Variants in RTN4 observed in about 807,000 individuals in gnomAD.
RTN4 encodes reticulon-4.
Under a neutral mutation model 90.4 loss-of-function variants are expected in RTN4, and 32 were observed. That is an observed-to-expected ratio of 0.35 (90% CI 0.27 to 0.48). The LOEUF (loss-of-function observed/expected upper bound fraction) is 0.48, where lower values mean the gene tolerates loss of function less well. Ranked by LOEUF, RTN4 falls within the 20% of genes least tolerant of loss-of-function variation. The pLI, the probability that RTN4 is intolerant of heterozygous loss-of-function variation, is 0.99. For missense variants in RTN4, 1,706 were observed against 1,430.2 expected (o/e 1.19, Z -3.11); for synonymous variants, 629 against 552.5 (o/e 1.14, Z -1.94).
intron 1 of RTN4, chr2:55,046,809 C>T (rs1667770032): frequency 6.6e-6 from 1 of 152,144 alleles, no homozygotes; most frequent in African/African-American, 2.4e-5. Flanking sequence ...AATGTTCTTA[C>T]ACTTACTAAA....
chr2:55,027,250 T>A lies in RTN4; in HGVS notation c.849A>T (p.Leu283=). 1 of 1,613,708 alleles carries A rather than the reference T, an allele frequency of 6.2e-7. No homozygotes were observed. Among genetic ancestry groups the A allele is most frequent in the Non-Finnish European group, 8.5e-7 (1 of 1,179,798 alleles). Residue 283 remains leucine, a synonymous_variant, in exon 3 of 9, where the codon CTA becomes CTT. Transcript: ENST00000337526. ...ACTCTGTTAAATCTCTATCTATGAG[T>A]AGAGTTTTTGCCTTCTCTGAGACCT... is the stretch of plus-strand genomic sequence containing the variant. ...SKEVSEKAKT[L]LIDRDLTEFS...
chr2:55,094,821 G>C (rs1057157782), intron 1 of RTN4, among the ~76,000 whole-genome samples: 5 of 152,292 alleles, frequency 3.3e-5, no homozygotes, highest in African/African-American at 1.2e-4. Context: ...GTCAAGCAAA[G>C]AATGAAGTGG....
chr2:55,055,946 G>T (rs2920839), intron 2 of RTN4, among the ~76,000 whole-genome samples: 138,386 of 151,502 alleles, frequency 0.91, 63,321 homozygotes, highest in Middle Eastern at 0.98. Flanking sequence ...CATATATGTA[G>T]ATGATATAGA....
the RTN4 span, among the ~76,000 whole-genome samples, chr2:55,120,252 A>G: frequency 6.6e-6 from 1 of 152,172 alleles, no homozygotes; most frequent in Non-Finnish European, 1.5e-5. Flanking sequence ...AAGGAAAGCA[A>G]TGCTTCCTGC....
intron 1 of RTN4, among the ~76,000 whole-genome samples, chr2:55,102,490 T>C (rs1667869235): frequency 1.3e-5 from 2 of 152,160 alleles, no homozygotes; most frequent in African/African-American, 4.8e-5. Flanking sequence ...ACGCTAAAAA[T>C]TTTAATGTTA....
chr2:55,031,151 T>G (rs1001312713), intron 1 of RTN4, among the ~76,000 whole-genome samples: 1 of 152,106 alleles, frequency 6.6e-6, no homozygotes, highest in Non-Finnish European at 1.5e-5. Context: ...GCTATGAGAG[T>G]AATTACAACA....
chr2:55,060,384 T>C (rs1357754119), intron 2 of RTN4, among the ~76,000 whole-genome samples: 1 of 152,252 alleles, frequency 6.6e-6, no homozygotes, highest in African/African-American at 2.4e-5. Context: ...ATAGTTGTCA[T>C]ATTTCAGTTA....
intron 1 of RTN4, among the ~76,000 whole-genome samples, chr2:55,092,619 C>T (rs1668960388): frequency 6.6e-6 from 1 of 152,210 alleles, no homozygotes; most frequent in Admixed American, 6.5e-5. Flanking sequence ...AATGAGTATA[C>T]CTGAGTTTCA....
At position 55,050,072 on chromosome 2, in the gene RTN4, G is replaced by A; in HGVS notation, c.229C>T (p.Pro77Ser). 6.9e-7 allele frequency: 1 copy of A among 1,448,878 alleles called. No homozygotes were observed. Among genetic ancestry groups the A allele is most frequent in the Non-Finnish European group, 9.0e-7 (1 of 1,106,086 alleles). The allele number at this position is 1,448,878 out of a possible 1,614,324, so 89.8% of individuals were successfully genotyped here. Residue 77 changes from proline (P) to serine (S), a missense_variant, in exon 1 of 9, where the codon CCC becomes TCC. Physicochemically the swap from Pro to Ser is moderately conservative, Grantham distance 74 (BLOSUM62 -1). Coordinates refer to ENST00000337526, the MANE Select transcript of RTN4 (RefSeq NM_020532.5). The surrounding 1 kb of genome is among the most constrained non-coding windows in gnomAD (Gnocchi z 4.6). ...PVPTAPAAGA[P>S]LMDFGNDFVP... is the part of the protein sequence containing the mutation. ...AAGTCATTTCCGAAGTCCATCAGGG[G>A]CGCGCCGGCGGCAGGGGCGGTGGGC... is the stretch of plus-strand genomic sequence containing the variant.
At chr2:55,079,169 C>A (rs193028116) in intron 2 of RTN4, among the ~76,000 whole-genome samples, 1 of 152,192 alleles carries the variant, frequency 6.6e-6, no homozygotes, top group Non-Finnish European at 1.5e-5. Context: ...AGGGAAGGGC[C>A]AAAGAGGTTG....
In RTN4 at chr2:55,010,747, TAA is replaced by T. The variant is rs544016826; in HGVS notation, c.3013+14337_3013+14338del. Among the ~76,000 whole-genome samples the T allele has an allele frequency of 1.3e-4, 20 of 152,244 alleles. No homozygotes were observed. In the East Asian group the frequency reaches 2.5e-3, roughly 19 times the overall value. On this transcript the variant is annotated intron_variant, in intron 3 of 8. Coordinates refer to ENST00000337526, the MANE Select transcript of RTN4 (RefSeq NM_020532.5). ...ACCTTATGAAGAGATAAACAGAAAA[TAA>T]AAGTCAAATTACTAATGTTTATTGA... is the stretch of plus-strand genomic sequence containing the variant.
intron 1 of RTN4, among the ~76,000 whole-genome samples, chr2:55,035,372 C>T (rs946075392): frequency 2.0e-5 from 3 of 151,954 alleles, no homozygotes; most frequent in Non-Finnish European, 4.4e-5. Context: ...AAAAACGAAA[C>T]TACAGAATTC....
At chr2:55,109,259 T>C (rs1667995162) in intron 1 of RTN4, among the ~76,000 whole-genome samples, 1 of 152,152 alleles carries the variant, frequency 6.6e-6, no homozygotes, top group South Asian at 2.1e-4. Flanking sequence ...AGCAAGTGGA[T>C]GCCTGCATGG....
At chr2:55,133,063 T>G in the RTN4 span, among the ~76,000 whole-genome samples, 14 of 152,012 alleles carry the variant, frequency 9.2e-5, no homozygotes, top group East Asian at 2.5e-3. Context: ...ATACAAAAAT[T>G]AGCCAGGTGT....
At position 55,025,147 on chromosome 2, in the gene RTN4, A is replaced by C. The variant is rs201732018; in HGVS notation, c.2952T>G (p.Asp984Glu). The C allele has an allele frequency of 1.2e-6, 2 of 1,613,548 alleles. No homozygotes were observed. Among genetic ancestry groups the C allele is most frequent in the African/African-American group, 2.7e-5 (2 of 74,998 alleles). The change falls in exon 3 of 9, where the codon GAT becomes GAG. Residue 984 changes from aspartate to glutamate, a missense_variant. By Grantham distance (45) the Asp-to-Glu change is conservative. Transcript: ENST00000337526. The stretch of plus-strand genomic sequence containing the variant: ...ATGGTGATCTGTCCTCTTTTTCTGT[A>C]TCGGAAGGAAGTTTTTTCTCAGCTT... ...VKEAEKKLPS[D>E]TEKEDRSPSA...
At chr2:55,024,077 A>C (rs2104850690) in intron 3 of RTN4, among the ~76,000 whole-genome samples, 1 of 152,274 alleles carries the variant, frequency 6.6e-6, no homozygotes, top group South Asian at 2.1e-4. Flanking sequence ...AACATATCCA[A>C]AACCAAATTT....
intron 8 of RTN4, 46 bp from the exon 9 acceptor site, chr2:54,973,244 GCTTAAAATACCAT>G (rs1346635933): frequency 6.8e-7 from 1 of 1,467,418 alleles, no homozygotes; most frequent in South Asian, 1.2e-5. Context: ...GTTTGCTGCT[GCTTAAAATACCAT>G]CTTCCAAGAA....
chr2:55,023,364 C>T (rs549776711), intron 3 of RTN4, among the ~76,000 whole-genome samples: 1 of 152,296 alleles, frequency 6.6e-6, no homozygotes, highest in East Asian at 1.9e-4. Context: ...TTGCAGATCT[C>T]TTCCACCCAA....
intron 3 of RTN4, among the ~76,000 whole-genome samples, chr2:55,021,887 T>C (rs1681470251): frequency 6.6e-6 from 1 of 152,136 alleles, no homozygotes; most frequent in Non-Finnish European, 1.5e-5. Context: ...TATTCCCTAG[T>C]AAGTTGCTAT....
Sources: allele counts gnomAD v4.1 joint callset (sites outside exome capture counted in the v4.1 genomes callset), GRCh38; gene constraint gnomAD v4.1.1; non-coding constraint Gnocchi (gnomAD v3.1); transcripts MANE v1.5; gene names NCBI Gene and HGNC (gene_info 2026-07-23, HGNC 2026-07-21).